MTHFD2: variants seen among roughly 807,000 people sequenced by gnomAD.
MTHFD2 encodes methylenetetrahydrofolate dehydrogenase (NADP+ dependent) 2, methenyltetrahydrofolate cyclohydrolase.
In MTHFD2, 26 loss-of-function variants were observed where a neutral mutation model predicts 36.8. The ratio of observed to expected loss-of-function variants is 0.71; its 90% CI spans 0.52 to 0.98. MTHFD2 has a LOEUF of 0.98. Among genes scored for constraint, MTHFD2 ranks in the 50% least tolerant of loss-of-function variants. MTHFD2 has a pLI of 0.00. For missense variants in MTHFD2, 373 were observed against 434.0 expected, an observed-to-expected ratio of 0.86 and a Z score of 1.25; for synonymous variants, 164 against 155.2, an observed-to-expected ratio of 1.06 and a Z score of -0.42.
chr2:74,209,093 G>T (rs1694247724), intron 4 of MTHFD2, among the ~76,000 whole-genome samples: 1 of 75,830 alleles, frequency 1.3e-5, no homozygotes, highest in African/African-American at 1.6e-4. Context: ...AGCTGGTCTC[G>T]AACTAGGCCT....
Position 74,208,601 on chromosome 2 carries a change from G to A in MTHFD2, c.442G>A (p.Val148Ile). Residue 148 changes from valine to isoleucine, a missense_variant, in exon 4 of 8, where the codon GTT becomes ATT. Val to Ile is a conservative substitution (Grantham distance 29). This residue lies in a region of MTHFD2 where 308 missense variants were observed against 397.8 expected (regional missense o/e 0.77). Transcript: ENST00000394053. The part of the protein sequence containing the change: ...HIDERRICNA[V>I]SPDKDVDGFH... ...TGATGAGAGAAGGATCTGCAATGCT[G>A]TTTCTCCAGACAAGGATGTTGATGG... 2 of 1,614,194 alleles carry A rather than the reference G, an allele frequency of 1.2e-6. No homozygotes were observed.
chr2:74,214,045 A>C (rs1266059563), intron 7 of MTHFD2, 34 bp from the exon 8 acceptor site: 1 of 1,603,342 alleles, frequency 6.2e-7, no homozygotes, highest in Non-Finnish European at 8.5e-7. Context: ...CTTTGCCATA[A>C]CTAAAGCAGC....
At chr2:74,206,699 A>G (rs1694188306) in intron 2 of MTHFD2, 1 of 152,324 alleles carries the variant, frequency 6.6e-6, no homozygotes, top group African/African-American at 2.4e-5. Flanking sequence ...AGATAATGGC[A>G]AGCCATGGCA....
intron 1 of MTHFD2, among the ~76,000 whole-genome samples, chr2:74,200,764 G>A (rs1694024409): frequency 6.6e-6 from 1 of 152,108 alleles, no homozygotes; most frequent in African/African-American, 2.4e-5. Flanking sequence ...ATGTTAAAGT[G>A]TAAGCAAAAC....
chr2:74,211,214 C>T lies in MTHFD2; in HGVS notation c.686C>T (p.Thr229Ile). 6.2e-7 allele frequency: 1 copy of T among 1,604,212 alleles called. No homozygotes were observed. Among genetic ancestry groups the T allele is most frequent in the Non-Finnish European group, 8.5e-7 (1 of 1,173,256 alleles). Residue 229 changes from threonine to isoleucine, a missense_variant, in exon 6 of 8, where the codon ACA (threonine) becomes ATA (isoleucine). Around this residue, in one of 2 missense-constraint regions of MTHFD2, gnomAD observed 308 missense variants for 397.8 expected, o/e 0.77. Transcript: ENST00000394053. The part of the protein sequence containing the change: ...HERPGGDATV[T>I]ISHRYTPKEQ... ...TTCTTTCTAGGTGATGCCACTGTTA[C>T]AATATCTCATCGATATACTCCCAAA...
chr2:74,211,402 A>G (rs1243132374), intron 6 of MTHFD2, 111 bp downstream of exon 6: 1 of 694,980 alleles, frequency 1.4e-6, no homozygotes, highest in Non-Finnish European at 2.4e-6. Context: ...CCTTGTAATG[A>G]TTCTTTGAGC....
chr2:74,203,502 C>T (rs1433511527), intron 1 of MTHFD2, among the ~76,000 whole-genome samples: 5 of 152,042 alleles, frequency 3.3e-5, no homozygotes, highest in African/African-American at 9.7e-5. Flanking sequence ...CAGTTACTGG[C>T]CGGGTGCAGT....
intron 1 of MTHFD2, 26 bp from the exon 2 acceptor site, chr2:74,205,678 GT>G: frequency 6.2e-7 from 1 of 1,608,856 alleles, no homozygotes; most frequent in Non-Finnish European, 8.5e-7. Context: ...AAGTTATTTG[GT>G]TTTGTGACTC....
rs376240080 is a variant in MTHFD2, at chr2:74,216,229, A to G, written c.*1987A>G. 8 of 152,214 alleles carry G rather than the reference A, an allele frequency of 5.3e-5. No homozygotes were observed. Among genetic ancestry groups the G allele is most frequent in the African/African-American group, 1.7e-4 (7 of 41,456 alleles). 9.4% of individuals were successfully genotyped at this position (152,214 alleles called of 1,614,324 possible). Reference sequence around the variant, plus strand: ...CATGCCTGCTTACCTAGATTATTAAATGTGGAGCAAGATGACCAGACAGGA... The same window carrying G: ...CATGCCTGCTTACCTAGATTATTAAGTGTGGAGCAAGATGACCAGACAGGA... On this transcript the variant is annotated 3_prime_UTR_variant, in exon 8 of 8. Transcript: ENST00000394053.
chr2:74,211,944 CTTTTTTTTTTTT>C lies in MTHFD2; in HGVS notation c.889+89_889+100del, dbSNP rs71406866. 10 of 462,016 alleles carry C rather than the reference CTTTTTTTTTTTT, an allele frequency of 2.2e-5. 1 individual carries two copies. The South Asian group carries it at 3.5e-4, about 16-fold the overall frequency. 28.6% of individuals were successfully genotyped at this position (462,016 alleles called of 1,614,324 possible). The stretch of plus-strand genomic sequence containing the variant: ...ATGGACATTTAGGATAGATTATTTA[CTTTTTTTTTTTT>C]TTTTTTTTTTGAGATGGGAGTCTCA... On this transcript the variant is annotated intron_variant, in intron 7 of 7. Coordinates refer to ENST00000394053, the MANE Select transcript of MTHFD2 (RefSeq NM_006636.4).
At chr2:74,202,618 C>T (rs908284115) in intron 1 of MTHFD2, among the ~76,000 whole-genome samples, 1 of 152,106 alleles carries the variant, frequency 6.6e-6, no homozygotes, top group African/African-American at 2.4e-5. Flanking sequence ...CCTCTGCCTC[C>T]CGGGTTCAAT....
intron 7 of MTHFD2, among the ~76,000 whole-genome samples, chr2:74,213,466 G>A (rs1177308700): frequency 6.7e-6 from 1 of 150,036 alleles, no homozygotes; most frequent in East Asian, 2.0e-4. Context: ...TTGTAGAGAT[G>A]GGGTTTCACC....
At chr2:74,207,979 G>C (rs553711937) in intron 3 of MTHFD2, among the ~76,000 whole-genome samples, 153 bp downstream of exon 3, 66 of 148,966 alleles carry the variant, frequency 4.4e-4, no homozygotes, top group Admixed American at 2.8e-3. Context: ...TACAATCATA[G>C]CTCATTGCAT....
intron 3 of MTHFD2, 64 bp from the exon 4 acceptor site, chr2:74,208,505 T>C (rs1368570405): frequency 2.3e-5 from 35 of 1,530,226 alleles, no homozygotes; most frequent in Non-Finnish European, 3.1e-5. Context: ...GCAGATAAGC[T>C]GGAGTCAGGC....
rs147907096 is a variant in MTHFD2 at position 74,201,898 on chromosome 2, T to C, written c.101+3156T>C. 3.9e-5 allele frequency among the ~76,000 whole-genome samples: 6 copies of C among 152,330 alleles called. 2 individuals carry two copies. Among genetic ancestry groups the C allele is most frequent in the Admixed American group, 3.3e-4 (5 of 15,302 alleles). ...GCTGACAGTTATACTATGAAAGATA[T>C]TCATTGCATGTGACTTTGTTTTTGG... On this transcript the variant is annotated intron_variant, in intron 1 of 7. Transcript: ENST00000394053.
chr2:74,208,427 C>T (rs376052892), intron 3 of MTHFD2, 142 bp from the exon 4 acceptor site: 23 of 935,034 alleles, frequency 2.5e-5, no homozygotes, highest in East Asian at 7.4e-5. Flanking sequence ...TTTGCTTATG[C>T]GAGTTCCTTC....
At position 74,205,814 on chromosome 2, in the gene MTHFD2, A is replaced by T. The variant is rs775922052; in HGVS notation, c.211A>T (p.Ser71Cys). The T allele has an allele frequency of 4.3e-5, 69 of 1,613,632 alleles. No individual in the cohort carries two copies. Among genetic ancestry groups the T allele is most frequent in the Non-Finnish European group, 5.4e-5 (64 of 1,179,998 alleles). ...VASGNKRPHL[S>C]VILVGENPAS... ...CTCAGGCAACAAACGGCCACACCTGAGTGTGATCCTGGTTGGCGAGAATCC... is the reference window on the plus strand; with the variant it reads ...CTCAGGCAACAAACGGCCACACCTGTGTGTGATCCTGGTTGGCGAGAATCC... The change falls in exon 2 of 8, where the codon AGT (serine) becomes TGT (cysteine). Residue 71 changes from serine to cysteine, a missense_variant. Coordinates refer to ENST00000394053, the MANE Select transcript of MTHFD2 (RefSeq NM_006636.4).
At chr2:74,199,038 G>A (rs1003098619) in intron 1 of MTHFD2, among the ~76,000 whole-genome samples, 3 of 152,234 alleles carry the variant, frequency 2.0e-5, no homozygotes, top group African/African-American at 7.2e-5. Flanking sequence ...GGCGGGACGG[G>A]GGTGGCGTGC....
At position 74,214,894 on chromosome 2, in the gene MTHFD2, T is replaced by G. The variant is rs1694398395; in HGVS notation, c.*652T>G. The G allele has an allele frequency of 6.6e-6, 1 of 152,354 alleles. No homozygotes were observed. Among genetic ancestry groups the G allele is most frequent in the Non-Finnish European group, 1.5e-5 (1 of 68,050 alleles). The allele number at this position is 152,354 out of a possible 1,614,324, so 9.4% of individuals were successfully genotyped here. A position where few individuals can be genotyped will look rare whatever the true frequency, so the allele number is the denominator to read the frequency against. On this transcript the variant is annotated 3_prime_UTR_variant, in exon 8 of 8. Coordinates refer to ENST00000394053, the MANE Select transcript of MTHFD2 (RefSeq NM_006636.4). ...TTGCTATTAGTACTCATTTTATGTA[T>G]GTTACCCTTCAGTAAGTTCTCCCCA...
Sources: gnomAD v4.1 joint callset for allele counts (sites outside exome capture counted in the v4.1 genomes callset) on GRCh38, gnomAD v4.1.1 for gene constraint, gnomAD v4.1.1 regional missense constraint, MANE v1.5 for transcripts, NCBI Gene and HGNC (gene_info 2026-07-23, HGNC 2026-07-21) for gene names.